The following AGBL1 variants were observed in gnomAD, a reference collection of about 807,000 sequenced individuals.
AGBL1 encodes cytosolic carboxypeptidase 4.
A neutral mutation model predicts 118.9 loss-of-function variants in AGBL1; 130 were observed. The ratio of observed to expected loss-of-function variants is 1.09; its 90% CI spans 0.95 to 1.26. AGBL1 has a LOEUF of 1.26. Among genes scored for constraint, AGBL1 ranks in the 50% most tolerant of loss-of-function variants. The pLI is 0.00. For missense variants in AGBL1, 1,584 were observed against 1,298.1 expected, an observed-to-expected ratio of 1.22 and a Z score of -3.38; for synonymous variants, 555 against 478.9, an observed-to-expected ratio of 1.16 and a Z score of -2.08.
At chr15:86,555,955 G>T (rs560593824) in intron 21 of AGBL1, among the ~76,000 whole-genome samples, 1 of 152,110 alleles carries the variant, frequency 6.6e-6, no homozygotes, top group Non-Finnish European at 1.5e-5. Context: ...ATGGACATAG[G>T]TTTGTGTCTC....
chr15:86,488,604 C>T (rs2082739727), intron 18 of AGBL1, among the ~76,000 whole-genome samples: 1 of 152,086 alleles, frequency 6.6e-6, no homozygotes, highest in African/African-American at 2.4e-5. Flanking sequence ...AGCAGAGCCT[C>T]TTGTTTCCTC....
chr15:86,991,312 A>G (rs1474211913), intron 24 of AGBL1, among the ~76,000 whole-genome samples: 1 of 151,586 alleles, frequency 6.6e-6, no homozygotes, highest in Non-Finnish European at 1.5e-5. Context: ...TTTTTCTTGC[A>G]TAAAACTATC....
At chr15:87,019,322 TCTC>T (rs577554279) in intron 24 of AGBL1, among the ~76,000 whole-genome samples, 52 of 152,250 alleles carry the variant, frequency 3.4e-4, no homozygotes, top group Non-Finnish European at 5.9e-4. Flanking sequence ...TATATATTCT[TCTC>T]ATCACTACAC....
chr15:86,904,367 A>G (rs868320834), intron 22 of AGBL1, among the ~76,000 whole-genome samples: 21 of 150,806 alleles, frequency 1.4e-4, no homozygotes, highest in African/African-American at 5.1e-4. Context: ...ATTTTAATAT[A>G]TAATATTGAA....
At chr15:87,006,168 C>G (rs953429122) in intron 24 of AGBL1, among the ~76,000 whole-genome samples, 1 of 152,222 alleles carries the variant, frequency 6.6e-6, no homozygotes, top group Non-Finnish European at 1.5e-5. Context: ...GGCAGTCTGT[C>G]TGTTCTTAGA....
At chr15:87,004,958 T>C (rs1258232958) in intron 24 of AGBL1, among the ~76,000 whole-genome samples, 1 of 152,200 alleles carries the variant, frequency 6.6e-6, no homozygotes, top group East Asian at 1.9e-4. Flanking sequence ...AAGCTTAGTT[T>C]GGCTGGATAT....
At chr15:86,500,196 G>A (rs2082902103) in intron 18 of AGBL1, among the ~76,000 whole-genome samples, 2 of 151,796 alleles carry the variant, frequency 1.3e-5, no homozygotes, top group African/African-American at 4.8e-5. Flanking sequence ...GCTGGCGGTT[G>A]GAGTCATTCC....
chr15:86,567,432 G>C (rs921451164), intron 21 of AGBL1, among the ~76,000 whole-genome samples: 1 of 152,188 alleles, frequency 6.6e-6, no homozygotes, highest in Non-Finnish European at 1.5e-5. Context: ...TGAAGTCCCA[G>C]AGAAGGGAAG....
At chr15:86,619,286 T>C (rs922158085) in intron 21 of AGBL1, among the ~76,000 whole-genome samples, 3 of 152,240 alleles carry the variant, frequency 2.0e-5, no homozygotes, top group African/African-American at 7.2e-5. Flanking sequence ...GTGACCCATC[T>C]ACACTTGGTG....
chr15:86,516,883 CTAATCTGGCTCATCACT>C (rs2083128797), intron 18 of AGBL1, among the ~76,000 whole-genome samples: 1 of 151,776 alleles, frequency 6.6e-6, no homozygotes, highest in African/African-American at 2.4e-5. Context: ...ATATTTGCAG[CTAATCTGGCTCATCACT>C]TAATCTGGTC....
chr15:86,811,164 A>G (rs764214780), intron 22 of AGBL1, among the ~76,000 whole-genome samples: 1 of 152,186 alleles, frequency 6.6e-6, no homozygotes, highest in Non-Finnish European at 1.5e-5. Flanking sequence ...AAGAATGAAC[A>G]TCAAGACCAG....
chr15:86,975,101 G>A (rs983827600), intron 23 of AGBL1, among the ~76,000 whole-genome samples: 8 of 151,888 alleles, frequency 5.3e-5, no homozygotes, highest in African/African-American at 1.9e-4. Flanking sequence ...GCTTTTTTGA[G>A]AGGAGCAAAG....
At chr15:86,828,914 G>GTATATATATATATA (rs3059643) in intron 22 of AGBL1, among the ~76,000 whole-genome samples, 193 of 141,818 alleles carry the variant, frequency 1.4e-3, no homozygotes, top group African/African-American at 4.4e-3. Flanking sequence ...AAGTTCAAAA[G>GTATATATATATATA]TATATATATA....
chr15:87,000,876 C>A (rs2141759201), intron 24 of AGBL1, among the ~76,000 whole-genome samples: 1 of 147,412 alleles, frequency 6.8e-6, no homozygotes, highest in Non-Finnish European at 1.5e-5. Context: ...CATGTTCTTC[C>A]ATTTGTTTGT....
chr15:86,468,921 T>C (rs916126709), intron 18 of AGBL1, among the ~76,000 whole-genome samples: 2 of 152,182 alleles, frequency 1.3e-5, no homozygotes, highest in Non-Finnish European at 2.9e-5. Flanking sequence ...GGGCCTATGA[T>C]TGACTTTTTG....
At chr15:86,429,842 G>A (rs1287231239) in intron 18 of AGBL1, among the ~76,000 whole-genome samples, 8 of 152,168 alleles carry the variant, frequency 5.3e-5, no homozygotes, top group Non-Finnish European at 4.4e-5. Context: ...AGGGAAATTC[G>A]TAGTTGAAAC....
intron 18 of AGBL1, among the ~76,000 whole-genome samples, chr15:86,468,403 G>A (rs904696056): frequency 6.6e-6 from 1 of 152,148 alleles, no homozygotes; most frequent in Admixed American, 6.5e-5. Context: ...TAAGCTTGGG[G>A]TGTAGTTTCC....
intron 14 of AGBL1, among the ~76,000 whole-genome samples, chr15:86,270,690 G>A (rs894173543): frequency 2.0e-5 from 3 of 152,190 alleles, no homozygotes; most frequent in African/African-American, 7.2e-5. Context: ...CTATTTTGTA[G>A]TGACTAAACA....
chr15:86,926,025 T>C (rs888672497), intron 23 of AGBL1, among the ~76,000 whole-genome samples: 1 of 152,152 alleles, frequency 6.6e-6, no homozygotes, highest in African/African-American at 2.4e-5. Flanking sequence ...AAGGAGAGTC[T>C]GGATCAGGGA....
Sources: gnomAD v4.1 joint callset for allele counts (sites outside exome capture counted in the v4.1 genomes callset) on GRCh38, gnomAD v4.1.1 for gene constraint, MANE v1.5 for transcripts, NCBI Gene and HGNC (gene_info 2026-07-23, HGNC 2026-07-21) for gene names.